NUCB1: variants seen among roughly 807,000 people sequenced by gnomAD.
NUCB1 encodes the protein nucleobindin-1.
A neutral mutation model predicts 61.2 loss-of-function variants in NUCB1; 47 were observed. The ratio of observed to expected loss-of-function variants is 0.77; its 90% confidence interval spans 0.61 to 0.98. The LOEUF (loss-of-function observed/expected upper bound fraction) is 0.98. Ranked by LOEUF, NUCB1 falls within the 50% of genes least tolerant of loss-of-function variation. The probability of loss-of-function intolerance (pLI) is 0.00; values close to 1 mark genes in which losing one functional copy is unlikely to be tolerated. For missense variants in NUCB1, 583 were observed against 605.3 expected, an observed-to-expected ratio of 0.96 and a Z score of 0.39; for synonymous variants, 234 against 243.1, an observed-to-expected ratio of 0.96 and a Z score of 0.35.
chr19:48,922,469 A>G lies in NUCB1; in HGVS notation c.*45A>G, dbSNP rs547115352. 4.2e-5 allele frequency: 63 copies of G among 1,487,938 alleles called. No homozygotes were observed. The highest frequency in any genetic ancestry group is 5.7e-5 in the Non-Finnish European group (61 of 1,066,652). 92.2% of individuals were successfully genotyped at this position (1,487,938 alleles called of 1,614,324 possible). A position where few individuals can be genotyped will look rare whatever the true frequency, so the allele number is the denominator to read the frequency against. ...TCAGGATTCCTGATGCTCCAAGGCG[A>G]CTGATGGGCGCTGGATGAAGTGGCA... On this transcript the variant is annotated 3_prime_UTR_variant, in exon 13 of 13. Transcript: ENST00000405315.
rs189645612 is a variant in NUCB1 at position 48,912,573 on chromosome 19, C to A, written c.481-438C>A. Among the ~76,000 whole-genome samples the A allele has an allele frequency of 1.4e-4, 22 of 152,194 alleles. No homozygotes were observed. The East Asian group carries it at 4.1e-3, about 28-fold the overall frequency. Reference sequence around the variant, plus strand: ...ACATCAGGCTGTGCGCGATGGCTCACGCCTATAATCCCAGCACTTTGGGAG... The same window carrying A: ...ACATCAGGCTGTGCGCGATGGCTCAAGCCTATAATCCCAGCACTTTGGGAG... On this transcript the variant is annotated intron_variant, in intron 5 of 12. Coordinates refer to ENST00000405315, the MANE Select transcript of NUCB1 (RefSeq NM_006184.6).
intron 2 of NUCB1, among the ~76,000 whole-genome samples, chr19:48,902,539 T>G (rs2037363869): frequency 6.6e-6 from 1 of 151,708 alleles, no homozygotes; most frequent in Non-Finnish European, 1.5e-5. Context: ...CTGGAGTAGC[T>G]GGGACTGCAG....
chr19:48,921,124 C>A (rs12979328), intron 10 of NUCB1, 30 bp from the exon 11 acceptor site: 1,067,565 of 1,575,636 alleles, frequency 0.68, 377,775 homozygotes, highest in Non-Finnish European at 0.73. Flanking sequence ...TGGACCTGTG[C>A]CCCTGATGGC....
intron 4 of NUCB1, among the ~76,000 whole-genome samples, chr19:48,909,328 A>C (rs1464415933): frequency 6.7e-6 from 1 of 149,846 alleles, no homozygotes; most frequent in African/African-American, 2.5e-5. Context: ...GCTCACTGCA[A>C]CCTCTGCCTC....
At position 48,921,333 on chromosome 19, in the gene NUCB1, G is replaced by A. The variant is rs1460869743; in HGVS notation, c.1173+9G>A. The A allele has an allele frequency of 1.4e-5, 22 of 1,569,798 alleles. No homozygotes were observed. The highest frequency in any genetic ancestry group is 7.5e-5 in the Admixed American group (4 of 53,590). Reference sequence around the variant, plus strand: ...AGAGAGAGCTGCAGCAGGTGACAGCGGGGGAAGCTGCTTCCATCCACTGAA... The same window carrying A: ...AGAGAGAGCTGCAGCAGGTGACAGCAGGGGAAGCTGCTTCCATCCACTGAA... On this transcript the variant is annotated intron_variant, in intron 11 of 12. Transcript: ENST00000405315.
At chr19:48,904,626 C>T (rs2122167811) in intron 3 of NUCB1, among the ~76,000 whole-genome samples, 172 bp downstream of exon 3, 1 of 151,920 alleles carries the variant, frequency 6.6e-6, no homozygotes. Flanking sequence ...CAGGTTCAAG[C>T]AGTTCTCCTG....
At chr19:48,918,988 G>A (rs1386858233) in intron 8 of NUCB1, 42 bp from the exon 9 acceptor site, 2 of 1,579,980 alleles carry the variant, frequency 1.3e-6, no homozygotes, top group African/African-American at 1.3e-5. Context: ...TGAGCTCGCT[G>A]GGGACCTCTC....
Position 48,913,207 on chromosome 19 carries a change from C to T in NUCB1, c.666+11C>T. ...AAAGTCAACGTGCCTGTGAGGACCC[C>T]ATTTGTGCCCATCCACTCCCTACCA... On this transcript the variant is annotated intron_variant, in intron 6 of 12. Coordinates refer to ENST00000405315, the MANE Select transcript of NUCB1 (RefSeq NM_006184.6). 6.2e-7 allele frequency: 1 copy of T among 1,602,712 alleles called. No homozygotes were observed. The highest frequency in any genetic ancestry group is 1.7e-5 in the Admixed American group (1 of 57,728).
chr19:48,904,307 A>G (rs2037388443), intron 2 of NUCB1, 40 bp from the exon 3 acceptor site: 8 of 1,358,276 alleles, frequency 5.9e-6, no homozygotes, highest in Non-Finnish European at 6.3e-6. Context: ...GGGGATGGGG[A>G]TGGGAGCAGG....
chr19:48,916,171 C>CGTGTGTGTGTGTGTGTGTGT (rs143557740), intron 7 of NUCB1, among the ~76,000 whole-genome samples: 110 of 147,786 alleles, frequency 7.4e-4, no homozygotes, highest in African/African-American at 2.5e-3. Context: ...TGGTATTTGT[C>CGTGTGTGTGTGTGTGTGTGT]GTGTGTGTGT....
At chr19:48,916,760 A>G (rs1266354213) in intron 7 of NUCB1, among the ~76,000 whole-genome samples, 1 of 152,168 alleles carries the variant, frequency 6.6e-6, no homozygotes, top group African/African-American at 2.4e-5. Context: ...TACTAAAAAT[A>G]CAAAAATTAT....
chr19:48,907,085 G>A (rs1017646934), intron 4 of NUCB1, among the ~76,000 whole-genome samples: 2 of 145,438 alleles, frequency 1.4e-5, no homozygotes, highest in African/African-American at 2.6e-5. Flanking sequence ...CGCCATTCTT[G>A]TGCCTCAGCC....
rs765860738 is a variant in NUCB1, at chr19:48,919,015, C to T, written c.817-15C>T. On this transcript the variant is annotated splice_polypyrimidine_tract_variant and intron_variant, in intron 8 of 12. Transcript: ENST00000405315. ...GGACCTCTCAATGCTGTCTGCCTCT[C>T]GCTTGCTCCTGCAGCTGGAGAAAGT... 4.3e-6 allele frequency: 7 copies of T among 1,611,698 alleles called. No homozygotes were observed. The highest frequency in any genetic ancestry group is 1.1e-5 in the South Asian group (1 of 90,912).
intron 4 of NUCB1, among the ~76,000 whole-genome samples, chr19:48,907,623 C>G (rs916347394): frequency 6.6e-6 from 1 of 152,124 alleles, no homozygotes; most frequent in East Asian, 1.9e-4. Flanking sequence ...ACCCCTTAGC[C>G]CGGAAAGGTC....
At position 48,913,007 on chromosome 19, in the gene NUCB1, C is replaced by G. The variant is rs1469172121; in HGVS notation, c.481-4C>G. ...GAGGGGAATGACCCTGTGCCTTTCC[C>G]CAGGCCACCCGGGACCTTGCCCAGT... On this transcript the variant is annotated splice_region_variant and splice_polypyrimidine_tract_variant and intron_variant, in intron 5 of 12. Transcript: ENST00000405315. 1.2e-6 allele frequency: 2 copies of G among 1,601,414 alleles called. No individual in the cohort carries two copies. Among genetic ancestry groups the G allele is most frequent in the East Asian group, 2.2e-5 (1 of 44,644 alleles).
Position 48,906,003 on chromosome 19 carries a change from G to A in NUCB1, c.376+118G>A, listed in dbSNP as rs1298645280. On this transcript the variant is annotated intron_variant, in intron 4 of 12. Coordinates refer to ENST00000405315, the MANE Select transcript of NUCB1 (RefSeq NM_006184.6). ...GAGGCCTCCCTCCCCGCTGCGAAAT[G>A]TGCTGAAATGTGCGTGGGAGATTGC... 2.3e-5 allele frequency: 22 copies of A among 958,398 alleles called. No individual in the cohort carries two copies. The South Asian group carries it at 3.5e-4, about 15-fold the overall frequency. The allele number at this position is 958,398 out of a possible 1,614,324, so 59.4% of individuals were successfully genotyped here.
At chr19:48,906,114 C>CT (rs1232740992) in intron 4 of NUCB1, among the ~76,000 whole-genome samples, 1 of 152,020 alleles carries the variant, frequency 6.6e-6, no homozygotes, top group Non-Finnish European at 1.5e-5. Flanking sequence ...TTTTAAAAAT[C>CT]TTTATCATGG....
At chr19:48,913,443 G>A (rs2037502333) in intron 6 of NUCB1, 31 bp from the exon 7 acceptor site, 1 of 1,588,220 alleles carries the variant, frequency 6.3e-7, no homozygotes, top group African/African-American at 1.3e-5. Context: ...CAGACTTCTT[G>A]CTCATGAGCT....
At chr19:48,920,239 C>G (rs546708952) in intron 10 of NUCB1, among the ~76,000 whole-genome samples, 1 of 151,920 alleles carries the variant, frequency 6.6e-6, no homozygotes, top group East Asian at 1.9e-4. Flanking sequence ...AAACTCCTGT[C>G]CTCAAGTGAT....
Sources: gnomAD v4.1 joint callset for allele counts (sites outside exome capture counted in the v4.1 genomes callset) on GRCh38, gnomAD v4.1.1 for gene constraint, MANE v1.5 for transcripts, NCBI Gene and HGNC (gene_info 2026-07-23, HGNC 2026-07-21) for gene names.